Variants in GFRA1 observed in about 807,000 individuals in gnomAD.
GFRA1 encodes GDNF family receptor alpha 1, also known as GDNF family receptor alpha-1.
In GFRA1, 16 loss-of-function variants were observed where a neutral mutation model predicts 51.6. The ratio of observed to expected loss-of-function variants is 0.31; its 90% CI spans 0.21 to 0.47. The LOEUF (loss-of-function observed/expected upper bound fraction) is 0.47, where lower values mean the gene tolerates loss of function less well. Ranked by LOEUF, GFRA1 falls within the 20% of genes least tolerant of loss-of-function variation. GFRA1 has a pLI of 1.00. For synonymous variants in GFRA1, 270 were observed against 241.3 expected (o/e 1.12, Z -1.10); for missense variants, 530 against 594.3 (o/e 0.89, Z 1.13).
Position 116,273,200 on chromosome 10 carries a change from C to G in GFRA1, c.-284G>C, listed in dbSNP as rs555735359. ...GACCGCGTCCAGCTGCGGCGAGGAG[C>G]CAGTTTGTTTATTTACTTATTTATT... is the stretch of plus-strand genomic sequence containing the variant. On this transcript the variant is annotated 5_prime_UTR_variant, in exon 1 of 11. Coordinates refer to ENST00000355422, the MANE Select transcript of GFRA1 (RefSeq NM_005264.8). The G allele has an allele frequency of 6.6e-6, 1 of 152,156 alleles. No individual in the cohort carries two copies. The highest frequency in any genetic ancestry group is 1.5e-5 in the Non-Finnish European group (1 of 68,068). 9.4% of individuals were successfully genotyped at this position (152,156 alleles called of 1,614,324 possible).
In GFRA1 at chr10:116,060,391, A is replaced by G. The variant is rs1489430819; in HGVS notation, c.*4007T>C. The G allele has an allele frequency of 6.6e-6, 1 of 152,178 alleles. No individual in the cohort carries two copies. Among genetic ancestry groups the G allele is most frequent in the South Asian group, 2.1e-4 (1 of 4,830 alleles). The allele number at this position is 152,178 out of a possible 1,614,324, so 9.4% of individuals were successfully genotyped here. On this transcript the variant is annotated 3_prime_UTR_variant, in exon 11 of 11. Transcript: ENST00000355422. ...TCAATAGCTCTGGCTTCCTGTCTCTAAAGAACTTCTGCCTGATTCAAGGAA... is the reference window on the plus strand; with the variant it reads ...TCAATAGCTCTGGCTTCCTGTCTCTGAAGAACTTCTGCCTGATTCAAGGAA...
At chr10:116,169,113 A>G (rs1252660263) in intron 5 of GFRA1, among the ~76,000 whole-genome samples, 1 of 152,136 alleles carries the variant, frequency 6.6e-6, no homozygotes, top group Non-Finnish European at 1.5e-5. Flanking sequence ...CAACTCCAGG[A>G]CACAGGACTA....
chr10:116,244,846 A>G (rs1019580416), intron 4 of GFRA1, among the ~76,000 whole-genome samples: 1 of 152,180 alleles, frequency 6.6e-6, no homozygotes. Context: ...ACGTATTCAC[A>G]TAGGAAAAAT....
rs569297584 is a variant in GFRA1, at chr10:116,138,896, C to T, written c.434-13339G>A. The stretch of plus-strand genomic sequence containing the variant: ...TCTTGTTAGATTCCCATTGGAAGGA[C>T]GACACCAGTTAGCTGAAGAATGAAG... On this transcript the variant is annotated intron_variant, in intron 5 of 10. Coordinates refer to ENST00000355422, the MANE Select transcript of GFRA1 (RefSeq NM_005264.8). Among the ~76,000 whole-genome samples the T allele has an allele frequency of 7.9e-5, 12 of 152,238 alleles. 1 individual carries two copies. The highest frequency in any genetic ancestry group is 3.9e-4 in the East Asian group (2 of 5,172).
intron 2 of GFRA1, 51 bp from the exon 3 acceptor site, chr10:116,271,166 C>T (rs892072274): frequency 7.3e-6 from 11 of 1,516,906 alleles, no homozygotes; most frequent in Admixed American, 1.9e-5. Flanking sequence ...GGACCCCGGC[C>T]GCCCCTGCTC....
At chr10:116,091,166 AGT>A (rs1427072870) in intron 8 of GFRA1, among the ~76,000 whole-genome samples, 7 of 152,140 alleles carry the variant, frequency 4.6e-5, no homozygotes, top group African/African-American at 1.7e-4. Flanking sequence ...TGCTTTTCCC[AGT>A]GTGTTTGCCT....
chr10:116,131,784 A>C (rs2134052401), intron 5 of GFRA1, among the ~76,000 whole-genome samples: 1 of 151,968 alleles, frequency 6.6e-6, no homozygotes, highest in South Asian at 2.1e-4. Flanking sequence ...ATAAGAGATA[A>C]CTTTCTGGGG....
intron 8 of GFRA1, among the ~76,000 whole-genome samples, chr10:116,090,395 C>A (rs1014007558): frequency 3.8e-5 from 5 of 132,684 alleles, no homozygotes; most frequent in African/African-American, 1.1e-4. Context: ...CCGTGGCATT[C>A]ACATTAATAT....
At chr10:116,190,278 T>TATA (rs1313595313) in intron 5 of GFRA1, among the ~76,000 whole-genome samples, 2 of 152,198 alleles carry the variant, frequency 1.3e-5, no homozygotes, top group Non-Finnish European at 2.9e-5. Context: ...ACTCAACACT[T>TATA]AGAGGGTGTT....
intron 7 of GFRA1, among the ~76,000 whole-genome samples, chr10:116,094,594 G>A (rs1956497364): frequency 6.6e-6 from 1 of 152,166 alleles, no homozygotes; most frequent in African/African-American, 2.4e-5. Flanking sequence ...GCCGACACCA[G>A]GCAATGCCCG....
At chr10:116,108,009 T>C (rs1957067664) in intron 6 of GFRA1, among the ~76,000 whole-genome samples, 1 of 152,062 alleles carries the variant, frequency 6.6e-6, no homozygotes, top group African/African-American at 2.4e-5. Context: ...GAATATTAAT[T>C]TACCTTCCAC....
At chr10:116,271,189 C>A in intron 2 of GFRA1, 74 bp from the exon 3 acceptor site, 1 of 1,350,724 alleles carries the variant, frequency 7.4e-7, no homozygotes. Context: ...GGCGAGGGCG[C>A]GCGCCCGGGT....
At chr10:116,258,537 TAA>T (rs1296523501) in intron 4 of GFRA1, among the ~76,000 whole-genome samples, 2 of 151,142 alleles carry the variant, frequency 1.3e-5, no homozygotes, top group African/African-American at 4.8e-5. Context: ...TATCACTCAG[TAA>T]AAAATATCTA....
intron 9 of GFRA1, among the ~76,000 whole-genome samples, chr10:116,082,448 G>C (rs1281992052): frequency 6.6e-6 from 1 of 150,690 alleles, no homozygotes; most frequent in Admixed American, 6.6e-5. Flanking sequence ...ATATCATTCA[G>C]CTCAAACCGC....
intron 5 of GFRA1, among the ~76,000 whole-genome samples, chr10:116,195,751 C>T (rs956616120): frequency 7.2e-5 from 11 of 152,314 alleles, no homozygotes; most frequent in Admixed American, 3.9e-4. Flanking sequence ...AGCATTTGGG[C>T]ACTCAGATTT....
chr10:116,248,724 G>A (rs1328334971), intron 4 of GFRA1, among the ~76,000 whole-genome samples: 7 of 152,164 alleles, frequency 4.6e-5, no homozygotes, highest in African/African-American at 7.2e-5. Flanking sequence ...TGGTGGGGGC[G>A]GTTAAAGGGC....
chr10:116,121,422 G>A (rs541514458), intron 6 of GFRA1, among the ~76,000 whole-genome samples: 5 of 152,276 alleles, frequency 3.3e-5, no homozygotes, highest in Admixed American at 1.3e-4. Context: ...CTACCTCAAG[G>A]GGAAAGGAAT....
At chr10:116,255,495 GAAAA>G (rs56869104) in intron 4 of GFRA1, 1 of 633,130 alleles carries the variant, frequency 1.6e-6, no homozygotes, top group Non-Finnish European at 2.1e-6. Flanking sequence ...GAATCATCAG[GAAAA>G]AAAAAAACAA....
chr10:116,155,822 T>C (rs1204407111), intron 5 of GFRA1, among the ~76,000 whole-genome samples: 1 of 152,168 alleles, frequency 6.6e-6, no homozygotes, highest in Non-Finnish European at 1.5e-5. Context: ...GAGACATAGA[T>C]GTTTATGGGC....
Sources: gnomAD v4.1 joint callset for allele counts (sites outside exome capture counted in the v4.1 genomes callset) on GRCh38, gnomAD v4.1.1 for gene constraint, MANE v1.5 for transcripts, NCBI Gene and HGNC (gene_info 2026-07-23, HGNC 2026-07-21) for gene names.